Variants in WDR27 observed in about 807,000 individuals in gnomAD.
WDR27 encodes WD repeat domain 27.
In WDR27, 100 loss-of-function variants were observed where a neutral mutation model predicts 114.4. The ratio of observed to expected loss-of-function variants is 0.87; its 90% CI spans 0.74 to 1.03. WDR27 has a LOEUF of 1.03. Ranked by LOEUF, WDR27 falls within the 50% of genes least tolerant of loss-of-function variation. The pLI is 0.00. For synonymous variants in WDR27, 449 were observed against 423.1 expected (o/e 1.06, Z -0.75); for missense variants, 1,129 against 1,092.9 (o/e 1.03, Z -0.47).
At position 169,670,552 on chromosome 6, in the gene WDR27, G is replaced by A. The variant is rs762714727; in HGVS notation, c.456+17C>T. On this transcript the variant is annotated intron_variant, in intron 4 of 25. Transcript: ENST00000448612. ...AGCTAAACCCTTCCGTGAAATCCACGTGAATTTCAATCTTACCTCAATATC... is the reference window on the plus strand; with the variant it reads ...AGCTAAACCCTTCCGTGAAATCCACATGAATTTCAATCTTACCTCAATATC... The A allele has an allele frequency of 1.9e-5, 30 of 1,613,764 alleles. No individual in the cohort carries two copies. Among genetic ancestry groups the A allele is most frequent in the South Asian group, 3.3e-5 (3 of 91,080 alleles).
At chr6:169,526,487 C>T (rs79232214) in intron 25 of WDR27, among the ~76,000 whole-genome samples, 2,483 of 152,154 alleles carry the variant, frequency 0.016, 63 homozygotes, top group African/African-American at 0.057. Flanking sequence ...GTGGTGGGCG[C>T]CCATAGTCCC....
intron 25 of WDR27, among the ~76,000 whole-genome samples, chr6:169,555,802 A>G (rs1347677223): frequency 6.6e-6 from 1 of 152,246 alleles, no homozygotes; most frequent in Non-Finnish European, 1.5e-5. Flanking sequence ...TTACAATAAG[A>G]TTATTAAGCA....
At chr6:169,512,995 T>TA (rs1384138697) in intron 25 of WDR27, among the ~76,000 whole-genome samples, 1 of 152,180 alleles carries the variant, frequency 6.6e-6, no homozygotes, top group Non-Finnish European at 1.5e-5. Context: ...AAGAATACAT[T>TA]AAAAAATTTT....
At chr6:169,610,706 C>A (rs1343949744) in intron 22 of WDR27, among the ~76,000 whole-genome samples, 1 of 152,150 alleles carries the variant, frequency 6.6e-6, no homozygotes, top group Non-Finnish European at 1.5e-5. Context: ...AATACTACTA[C>A]TCAGCCATAA....
chr6:169,664,467 G>A lies in WDR27; in HGVS notation c.784-181C>T, dbSNP rs112696551. The A allele has an allele frequency of 5.2e-4, 747 of 1,448,054 alleles. 4 individuals carry two copies. In the African/African-American group the frequency reaches 8.1e-3, roughly 16 times the overall value. 89.7% of individuals were successfully genotyped at this position (1,448,054 alleles called of 1,614,324 possible). A position where few individuals can be genotyped will look rare whatever the true frequency, so the allele number is the denominator to read the frequency against. ...CATCCCCTCTGGAGGCCCTCCGTAC[G>A]GCCCACGGTGTCAGAGCACTTTCAC... is the stretch of plus-strand genomic sequence containing the variant. On this transcript the variant is annotated intron_variant, in intron 7 of 25. Coordinates refer to ENST00000448612, the MANE Select transcript of WDR27 (RefSeq NM_182552.5).
chr6:169,535,723 A>C (rs1171649875), intron 25 of WDR27, among the ~76,000 whole-genome samples: 1 of 152,216 alleles, frequency 6.6e-6, no homozygotes, highest in Non-Finnish European at 1.5e-5. Context: ...ACTTTCATAA[A>C]GTATGTGGAC....
At chr6:169,563,956 T>C (rs1296550135) in intron 25 of WDR27, among the ~76,000 whole-genome samples, 2 of 152,182 alleles carry the variant, frequency 1.3e-5, no homozygotes, top group African/African-American at 4.8e-5. Flanking sequence ...GGATAGATGA[T>C]GAGTATATGG....
chr6:169,558,822 C>T (rs1162880384), intron 25 of WDR27: 1 of 152,220 alleles, frequency 6.6e-6, no homozygotes, highest in Non-Finnish European at 1.5e-5. Flanking sequence ...ATGCAGAACT[C>T]ATCCAGAGTC....
chr6:169,637,384 A>G (rs1371834462), intron 18 of WDR27, among the ~76,000 whole-genome samples: 3 of 152,266 alleles, frequency 2.0e-5, no homozygotes, highest in Non-Finnish European at 4.4e-5. Context: ...CATAACAAAC[A>G]TAAGGATAGA....
chr6:169,501,923 T>G (rs1282209143), intron 25 of WDR27, among the ~76,000 whole-genome samples: 1 of 152,206 alleles, frequency 6.6e-6, no homozygotes, highest in African/African-American at 2.4e-5. Context: ...TCCAGATCTT[T>G]CCACTCACAC....
At chr6:169,696,061 C>T (rs940615689) in intron 1 of WDR27, among the ~76,000 whole-genome samples, 2 of 152,176 alleles carry the variant, frequency 1.3e-5, no homozygotes, top group African/African-American at 2.4e-5. Flanking sequence ...CCTCCAGAAC[C>T]GTAAGATAAT....
chr6:169,597,219 A>T (rs1806981572), intron 23 of WDR27, among the ~76,000 whole-genome samples: 1 of 152,138 alleles, frequency 6.6e-6, no homozygotes, highest in Non-Finnish European at 1.5e-5. Flanking sequence ...CTCCATCCTT[A>T]TATCTGTGGT....
At chr6:169,495,523 T>TA (rs34665432) in intron 25 of WDR27, among the ~76,000 whole-genome samples, 133,509 of 149,978 alleles carry the variant, frequency 0.89, 60,518 homozygotes, top group African/African-American at 0.94. Context: ...TTTGAAAAGA[T>TA]AAAAAAAAAC....
At chr6:169,502,101 C>A (rs966306443) in intron 25 of WDR27, among the ~76,000 whole-genome samples, 1 of 152,158 alleles carries the variant, frequency 6.6e-6, no homozygotes, top group African/African-American at 2.4e-5. Context: ...CCCGGGGCTG[C>A]GGGATGCTGG....
rs151314860 is a variant in WDR27 at position 169,549,998 on chromosome 6, C to A, written c.2645+22421G>T. Reference sequence around the variant, plus strand: ...GTCAGAACCCATAGAAGGCACACCACCAAGAGTGAATGCTGATAAACTGTG... The same window carrying A: ...GTCAGAACCCATAGAAGGCACACCAACAAGAGTGAATGCTGATAAACTGTG... On this transcript the variant is annotated intron_variant, in intron 25 of 25. Coordinates refer to ENST00000448612, the MANE Select transcript of WDR27 (RefSeq NM_182552.5). Among the ~76,000 whole-genome samples, 789 of 152,122 alleles carry A rather than the reference C, an allele frequency of 5.2e-3. 8 individuals are homozygous for A. The highest frequency in any genetic ancestry group is 0.018 in the African/African-American group (755 of 41,486).
At chr6:169,576,359 T>G (rs1298264436) in intron 24 of WDR27, among the ~76,000 whole-genome samples, 7 of 152,218 alleles carry the variant, frequency 4.6e-5, no homozygotes, top group Non-Finnish European at 8.8e-5. Flanking sequence ...ATGAAGGGGA[T>G]GCCAGACAGA....
At chr6:169,434,565 CT>C in the WDR27 span, among the ~76,000 whole-genome samples, 9 of 151,762 alleles carry the variant, frequency 5.9e-5, no homozygotes, top group South Asian at 2.1e-4. Context: ...ATTTAAAGTA[CT>C]TTTTTTTTCT....
At chr6:169,601,635 G>T (rs56355509) in intron 23 of WDR27, among the ~76,000 whole-genome samples, 2,078 of 152,324 alleles carry the variant, frequency 0.014, 44 homozygotes, top group African/African-American at 0.047. Context: ...GGCCACCCAT[G>T]AGTATTCTTG....
chr6:169,541,158 T>C (rs879833628), intron 25 of WDR27, among the ~76,000 whole-genome samples: 2 of 142,814 alleles, frequency 1.4e-5, no homozygotes, highest in Non-Finnish European at 3.1e-5. Context: ...AAAATAGAAA[T>C]GAGGTTAAAA....
Sources: allele counts gnomAD v4.1 joint callset (sites outside exome capture counted in the v4.1 genomes callset), GRCh38; gene constraint gnomAD v4.1.1; transcripts MANE v1.5; gene names NCBI Gene and HGNC (gene_info 2026-07-23, HGNC 2026-07-21).